The following RSPH14 variants were observed in gnomAD, a reference collection of about 807,000 sequenced individuals.
The protein encoded by RSPH14 is radial spoke head 14 homolog.
RSPH14 carries 20 observed loss-of-function variants against 26.7 expected under a neutral mutation model. The ratio of observed to expected loss-of-function variants is 0.75; its 90% CI spans 0.53 to 1.09. The LOEUF (loss-of-function observed/expected upper bound fraction) is 1.09. Ranked by LOEUF, RSPH14 falls within the 50% of genes least tolerant of loss-of-function variation. The pLI is 0.00. For synonymous variants in RSPH14, 177 were observed against 189.3 expected (o/e 0.93, Z 0.53); for missense variants, 449 against 457.2 (o/e 0.98, Z 0.16).
intron 4 of RSPH14, among the ~76,000 whole-genome samples, chr22:23,081,674 T>C (rs2068681132): frequency 6.6e-6 from 1 of 151,708 alleles, no homozygotes; most frequent in African/African-American, 2.4e-5. Context: ...ATACAAAAAT[T>C]AGCCAGCCAT....
At chr22:23,173,627 TTGTTTTTTG>T in the RSPH14 span, among the ~76,000 whole-genome samples, 33 of 107,100 alleles carry the variant, frequency 3.1e-4, no homozygotes, top group East Asian at 7.5e-3. Flanking sequence ...TTTTGGTTTT[TTGTTTTTTG>T]TTTTTTTTTT....
At chr22:23,167,959 A>T in the RSPH14 span, among the ~76,000 whole-genome samples, 2 of 151,470 alleles carry the variant, frequency 1.3e-5, no homozygotes, top group African/African-American at 2.4e-5. Flanking sequence ...CAATCCCCCC[A>T]CCCCAGCCTC....
intron 4 of RSPH14, among the ~76,000 whole-genome samples, chr22:23,080,572 C>G (rs2068648320): frequency 6.6e-6 from 1 of 152,194 alleles, no homozygotes; most frequent in African/African-American, 2.4e-5. Flanking sequence ...AGGTGAGACC[C>G]GTTGCGGATC....
the RSPH14 span, chr22:23,152,612 A>C: frequency 2.3e-6 from 3 of 1,291,322 alleles, no homozygotes; most frequent in Non-Finnish European, 2.2e-6. Context: ...TAATATCAAC[A>C]TAGCAGAAAT....
intron 3 of RSPH14, 21 bp from the exon 4 acceptor site, chr22:23,134,165 A>G: frequency 6.4e-7 from 1 of 1,556,506 alleles, no homozygotes; most frequent in Non-Finnish European, 8.8e-7. Context: ...GAGGGTGGAC[A>G]GTGACATAAG....
intron 4 of RSPH14, chr22:23,124,688 G>T (rs1868970987): frequency 5.1e-6 from 1 of 196,812 alleles, no homozygotes; most frequent in South Asian, 6.3e-5. Context: ...AGACTGGCTG[G>T]AAATGCTCTG....
At chr22:23,122,041 T>C (rs1241494378) in intron 4 of RSPH14, among the ~76,000 whole-genome samples, 1 of 152,244 alleles carries the variant, frequency 6.6e-6, no homozygotes, top group African/African-American at 2.4e-5. Flanking sequence ...AGAAAAGTTC[T>C]TAAATCCAAA....
intron 4 of RSPH14, chr22:23,070,349 G>C (rs1272315691): frequency 2.7e-5 from 3 of 109,866 alleles, no homozygotes; most frequent in African/African-American, 8.7e-5. Flanking sequence ...GCGGACCCGC[G>C]GACTGGCGGC....
chr22:23,141,222 G>C (rs951699338), intron 1 of RSPH14, among the ~76,000 whole-genome samples: 2 of 151,698 alleles, frequency 1.3e-5, no homozygotes, highest in African/African-American at 4.8e-5. Context: ...CCAGCTACTC[G>C]GGAGGCTGAG....
the RSPH14 span, chr22:23,152,556 C>G: frequency 2.5e-6 from 4 of 1,603,124 alleles, no homozygotes; most frequent in South Asian, 3.3e-5. Flanking sequence ...CCTTTGGCCA[C>G]CTCCCCCAGC....
intron 4 of RSPH14, among the ~76,000 whole-genome samples, chr22:23,119,768 G>A (rs1414701828): frequency 6.6e-6 from 1 of 152,208 alleles, no homozygotes; most frequent in African/African-American, 2.4e-5. Context: ...TGAGGTATGT[G>A]GTTGGTGCCT....
chr22:23,121,310 C>G (rs1243011708), intron 4 of RSPH14, among the ~76,000 whole-genome samples: 1 of 152,188 alleles, frequency 6.6e-6, no homozygotes, highest in East Asian at 1.9e-4. Flanking sequence ...AGGGTAATGA[C>G]GGGTACCTCT....
chr22:23,118,490 C>T (rs1049105896), intron 4 of RSPH14, among the ~76,000 whole-genome samples: 28 of 142,494 alleles, frequency 2.0e-4, no homozygotes, highest in Non-Finnish European at 3.9e-4. Flanking sequence ...CCACCCCCCG[C>T]GGCTGCCTTG....
Position 23,064,095 on chromosome 22 carries a change from G to C in RSPH14, c.460C>G (p.Leu154Val), listed in dbSNP as rs368585590. Residue 154 changes from leucine to valine, a missense_variant, in exon 5 of 7, where the codon CTG (leucine) becomes GTG (valine). Coordinates refer to ENST00000216036, the MANE Select transcript of RSPH14 (RefSeq NM_014433.3). ...EIISKGLISS[L>V]VWKLQVEVEE... Reference sequence around the variant, plus strand: ...ACCTCCACCTGCAGCTTCCATACCAGTGAGGAAATCAGACCTTTGCTGATG... The same window carrying C: ...ACCTCCACCTGCAGCTTCCATACCACTGAGGAAATCAGACCTTTGCTGATG... The C allele has an allele frequency of 1.9e-5, 30 of 1,614,148 alleles. No individual in the cohort carries two copies. Among genetic ancestry groups the C allele is most frequent in the Non-Finnish European group, 2.5e-5 (30 of 1,180,010 alleles).
At chr22:23,165,069 G>C in the RSPH14 span, among the ~76,000 whole-genome samples, 1 of 152,128 alleles carries the variant, frequency 6.6e-6, no homozygotes, top group Non-Finnish European at 1.5e-5. Flanking sequence ...AGTGTGATTG[G>C]TCACATCTGG....
At chr22:23,152,577 C>G in the RSPH14 span, 1 of 1,559,714 alleles carries the variant, frequency 6.4e-7, no homozygotes, top group Non-Finnish European at 8.8e-7. Flanking sequence ...ACCAGGTTGT[C>G]ATACCTTTGC....
chr22:23,084,645 TG>T (rs2068768293), intron 4 of RSPH14, among the ~76,000 whole-genome samples: 1 of 152,236 alleles, frequency 6.6e-6, no homozygotes, highest in Non-Finnish European at 1.5e-5. Context: ...CATCCCCACC[TG>T]GTCCTGAGCA....
the RSPH14 span, chr22:23,161,079 G>A: frequency 0.5 from 740,914 of 1,484,752 alleles, 186,451 homozygotes; most frequent in East Asian, 0.63. Context: ...GTCACCTGAG[G>A]CCTTGCCATT....
At chr22:23,163,251 C>T in the RSPH14 span, 760 of 150,114 alleles carry the variant, frequency 5.1e-3, 6 homozygotes, top group African/African-American at 0.017. Flanking sequence ...TTTTGGGCGG[C>T]GGGATGGAGT....
Sources: allele counts gnomAD v4.1 joint callset (sites outside exome capture counted in the v4.1 genomes callset), GRCh38; gene constraint gnomAD v4.1.1; transcripts MANE v1.5; gene names NCBI Gene and HGNC (gene_info 2026-07-23, HGNC 2026-07-21).